Variants in CRACR2A observed in about 807,000 individuals in gnomAD.
CRACR2A encodes the protein calcium release activated channel regulator 2A.
A neutral mutation model predicts 90.5 loss-of-function variants in CRACR2A; 79 were observed. That is an observed-to-expected ratio of 0.87 (90% CI 0.73 to 1.05). The LOEUF is 1.05. CRACR2A is among the 50% of genes least tolerant of loss of function. The pLI, the probability that CRACR2A is intolerant of heterozygous loss-of-function variation, is 0.00. For synonymous variants in CRACR2A, 338 were observed against 356.7 expected (o/e 0.95, Z 0.59); for missense variants, 823 against 897.2 (o/e 0.92, Z 1.06).
At chr12:3,665,228 T>C (rs925582637) in intron 7 of CRACR2A, among the ~76,000 whole-genome samples, 2 of 152,216 alleles carry the variant, frequency 1.3e-5, no homozygotes, top group Admixed American at 6.5e-5. Context: ...TCATGAGCAC[T>C]AATATTTATC....
chr12:3,749,049 G>A (rs74058344), intron 1 of CRACR2A, among the ~76,000 whole-genome samples: 5,772 of 152,268 alleles, frequency 0.038, 360 homozygotes, highest in African/African-American at 0.13. Context: ...TGCCTCTACC[G>A]TGTATCGGCT....
intron 8 of CRACR2A, among the ~76,000 whole-genome samples, chr12:3,658,424 T>C (rs754617431): frequency 2.6e-5 from 4 of 152,032 alleles, no homozygotes; most frequent in Non-Finnish European, 5.9e-5. Flanking sequence ...AGGAACTATT[T>C]TGGGATCTGC....
intron 14 of CRACR2A, among the ~76,000 whole-genome samples, chr12:3,636,067 A>AT (rs762499044): frequency 1.0e-3 from 156 of 152,150 alleles, no homozygotes; most frequent in Non-Finnish European, 1.5e-3. Flanking sequence ...ATTATTGGAC[A>AT]TTTTTTTTAA....
At chr12:3,752,985 C>G (rs12302936) in intron 1 of CRACR2A, 30 bp downstream of exon 1, 21,965 of 152,582 alleles carry the variant, frequency 0.14, 2,171 homozygotes, top group African/African-American at 0.27. Flanking sequence ...GCCGCCCCGG[C>G]CGCCCACCCT....
rs557111563 is a variant in CRACR2A at position 3,670,018 on chromosome 12, G to T, written c.671+3428C>A. ...TGTTTCATTTGCAGGAGGATTTTCT[G>T]GTCTGTCTTGTGCAGAATTTCCAGG... On this transcript the variant is annotated intron_variant, in intron 7 of 19. Coordinates refer to ENST00000440314, the MANE Select transcript of CRACR2A (RefSeq NM_001144958.2). Among the ~76,000 whole-genome samples, 587 of 152,310 alleles carry T rather than the reference G, an allele frequency of 3.9e-3. 8 individuals carry two copies. The highest frequency in any genetic ancestry group is 0.014 in the African/African-American group (566 of 41,556).
chr12:3,721,224 T>C (rs1946166565), intron 2 of CRACR2A, among the ~76,000 whole-genome samples: 1 of 151,926 alleles, frequency 6.6e-6, no homozygotes, highest in South Asian at 2.1e-4. Flanking sequence ...AAAGATGCTG[T>C]GTTAGGAACG....
Position 3,644,631 on chromosome 12 carries a change from G to A in CRACR2A, c.1128C>T (p.Asn376=). 6.4e-7 allele frequency: 1 copy of A among 1,551,668 alleles called. No homozygotes were observed. Among genetic ancestry groups the A allele is most frequent in the Non-Finnish European group, 8.7e-7 (1 of 1,146,978 alleles). The part of the protein sequence containing the change: ...LKQLDFLRER[N]KHLRDERDIC... Reference sequence around the variant, plus strand: ...TGTCCCGTTCATCCCGAAGGTGCTTGTTCCTTTCCCTGTGGATGGTAAAGG... The same window carrying A: ...TGTCCCGTTCATCCCGAAGGTGCTTATTCCTTTCCCTGTGGATGGTAAAGG... Residue 376 remains asparagine (N), a synonymous_variant, in exon 12 of 20, where the codon AAC becomes AAT. Transcript: ENST00000440314.
At chr12:3,666,661 A>G (rs7968146) in intron 7 of CRACR2A, among the ~76,000 whole-genome samples, 22,445 of 152,266 alleles carry the variant, frequency 0.15, 1,841 homozygotes, top group South Asian at 0.26. Flanking sequence ...GCTACGCCGG[A>G]GCGAGGCATT....
chr12:3,675,213 G>T (rs1369596455), intron 6 of CRACR2A, among the ~76,000 whole-genome samples: 1 of 152,100 alleles, frequency 6.6e-6, no homozygotes, highest in African/African-American at 2.4e-5. Flanking sequence ...TTATATTTTA[G>T]AAATTTTCTT....
intron 10 of CRACR2A, among the ~76,000 whole-genome samples, 162 bp downstream of exon 10, chr12:3,654,050 T>C (rs1391537852): frequency 6.6e-6 from 1 of 152,212 alleles, no homozygotes; most frequent in Non-Finnish European, 1.5e-5. Flanking sequence ...TGCTTAATAG[T>C]GTCAGAATCC....
intron 7 of CRACR2A, among the ~76,000 whole-genome samples, chr12:3,669,468 C>G (rs563607449): frequency 1.7e-3 from 265 of 152,320 alleles, no homozygotes; most frequent in African/African-American, 6.2e-3. Context: ...GGAAGTCTCA[C>G]CTCCCTTCCT....
intron 2 of CRACR2A, among the ~76,000 whole-genome samples, chr12:3,715,620 G>A (rs184588222): frequency 1.3e-5 from 2 of 152,306 alleles, no homozygotes; most frequent in African/African-American, 2.4e-5. Flanking sequence ...TGAAGGCCAG[G>A]AATGTGAAAG....
chr12:3,677,817 G>A (rs1015069556), intron 6 of CRACR2A, among the ~76,000 whole-genome samples: 6 of 152,062 alleles, frequency 3.9e-5, no homozygotes, highest in African/African-American at 1.2e-4. Flanking sequence ...CCTGTGTAGC[G>A]CCCCCACCAG....
chr12:3,676,439 C>T (rs945524506), intron 6 of CRACR2A, among the ~76,000 whole-genome samples: 6 of 152,166 alleles, frequency 3.9e-5, no homozygotes, highest in Non-Finnish European at 5.9e-5. Context: ...TTTATATCTC[C>T]TACAAATTCA....
intron 14 of CRACR2A, among the ~76,000 whole-genome samples, chr12:3,634,820 G>A (rs1944430731): frequency 6.6e-6 from 1 of 152,100 alleles, no homozygotes; most frequent in Admixed American, 6.5e-5. Context: ...GTATTTAGGA[G>A]AGAATTCAAG....
chr12:3,666,350 TGTGTGCGTGC>T lies in CRACR2A; in HGVS notation c.672-6706_672-6697del, dbSNP rs1414656749. Among the ~76,000 whole-genome samples the T allele has an allele frequency of 3.7e-3, 547 of 147,238 alleles. 5 individuals carry two copies. Among genetic ancestry groups the T allele is most frequent in the African/African-American group, 0.013 (507 of 37,688 alleles). ...GGCTGCGTGTGTGTGTGTGTGTGTG[TGTGTGCGTGC>T]GTGTGCGCGTGCGCGCGCACGCGCG... is the stretch of plus-strand genomic sequence containing the variant. On this transcript the variant is annotated intron_variant, in intron 7 of 19. Transcript: ENST00000440314.
chr12:3,649,302 C>T (rs760576405), intron 10 of CRACR2A, among the ~76,000 whole-genome samples: 7 of 152,008 alleles, frequency 4.6e-5, no homozygotes, highest in Non-Finnish European at 7.4e-5. Context: ...CTGCCCTATC[C>T]TATCCAGACT....
chr12:3,628,767 G>A (rs1214382907), intron 15 of CRACR2A, among the ~76,000 whole-genome samples: 1 of 152,244 alleles, frequency 6.6e-6, no homozygotes, highest in Admixed American at 6.5e-5. Context: ...AAAGGCCTCT[G>A]GAGGGCTCAG....
intron 15 of CRACR2A, among the ~76,000 whole-genome samples, chr12:3,631,753 G>C (rs953676326): frequency 1.3e-5 from 2 of 152,178 alleles, no homozygotes; most frequent in Admixed American, 1.3e-4. Context: ...AGTAAGGATG[G>C]GACACCTGAA....
Sources: gnomAD v4.1 joint callset for allele counts (sites outside exome capture counted in the v4.1 genomes callset) on GRCh38, gnomAD v4.1.1 for gene constraint, MANE v1.5 for transcripts, NCBI Gene and HGNC (gene_info 2026-07-23, HGNC 2026-07-21) for gene names.